Variants in RGS6 observed in about 807,000 individuals in gnomAD.
The protein encoded by RGS6 is regulator of G-protein signaling 6.
In RGS6, 30 loss-of-function variants were observed where a neutral mutation model predicts 78.5. The ratio of observed to expected loss-of-function variants is 0.38; its 90% CI spans 0.29 to 0.52. RGS6 has a LOEUF of 0.52. Among genes scored for constraint, RGS6 ranks in the 20% least tolerant of loss-of-function variants. RGS6 has a pLI of 0.85. For synonymous variants in RGS6, 206 were observed against 206.0 expected (o/e 1.00, Z 0.00); for missense variants, 495 against 609.7 (o/e 0.81, Z 1.98).
chr14:72,018,423 G>A lies in RGS6; in HGVS notation c.84+53548G>A, dbSNP rs1437502967. The stretch of plus-strand genomic sequence containing the variant: ...GTAGGAATTGTCTGCAGCATGGATT[G>A]TGGGAATTTTGCTCTGGCATTTTCC... On this transcript the variant is annotated intron_variant, in intron 2 of 17. Transcript: ENST00000553525. Among the ~76,000 whole-genome samples the A allele has an allele frequency of 2.0e-5, 3 of 152,182 alleles. No individual in the cohort carries two copies. The East Asian group carries it at 5.8e-4, about 29-fold the overall frequency.
chr14:72,096,289 A>G (rs1461066934), intron 2 of RGS6, among the ~76,000 whole-genome samples: 5 of 151,940 alleles, frequency 3.3e-5, no homozygotes, highest in African/African-American at 1.2e-4. Flanking sequence ...TTAAAAAAAA[A>G]AAAAGAAAAG....
intron 2 of RGS6, among the ~76,000 whole-genome samples, chr14:72,338,268 C>T (rs1054572078): frequency 9.9e-5 from 15 of 152,200 alleles, no homozygotes; most frequent in Admixed American, 3.9e-4. Context: ...AACAGACTCA[C>T]GGTTCCACGT....
chr14:72,185,022 C>T (rs900881862), intron 2 of RGS6, among the ~76,000 whole-genome samples: 1 of 152,108 alleles, frequency 6.6e-6, no homozygotes, highest in Non-Finnish European at 1.5e-5. Flanking sequence ...ACAGTGTGCC[C>T]GAAGGCCCAA....
intron 3 of RGS6, among the ~76,000 whole-genome samples, chr14:72,413,884 T>A (rs2093613144): frequency 1.3e-5 from 2 of 151,730 alleles, no homozygotes; most frequent in African/African-American, 2.4e-5. Context: ...TTTAAGAATG[T>A]TGAATATTGG....
At chr14:72,137,434 C>T (rs2096462411) in intron 2 of RGS6, among the ~76,000 whole-genome samples, 1 of 152,212 alleles carries the variant, frequency 6.6e-6, no homozygotes, top group Non-Finnish European at 1.5e-5. Context: ...AGCCTCAGAT[C>T]TCACAGGTAA....
chr14:72,429,157 A>G (rs956004676), intron 3 of RGS6, among the ~76,000 whole-genome samples: 2 of 152,216 alleles, frequency 1.3e-5, no homozygotes, highest in African/African-American at 2.4e-5. Flanking sequence ...AGCCAAGATC[A>G]TGCCACTGCA....
At chr14:72,360,103 A>G (rs1179625582) in intron 3 of RGS6, among the ~76,000 whole-genome samples, 3 of 152,172 alleles carry the variant, frequency 2.0e-5, no homozygotes. Flanking sequence ...GGTGGGGGAG[A>G]TGATGTAGGA....
At chr14:71,983,316 G>C (rs2094545860) in intron 2 of RGS6, among the ~76,000 whole-genome samples, 1 of 152,202 alleles carries the variant, frequency 6.6e-6, no homozygotes, top group African/African-American at 2.4e-5. Context: ...TTACCTGGAG[G>C]AAACCTTACC....
chr14:72,344,444 G>A (rs2077602265), intron 2 of RGS6, among the ~76,000 whole-genome samples: 1 of 152,092 alleles, frequency 6.6e-6, no homozygotes, highest in Admixed American at 6.5e-5. Flanking sequence ...TCAGATTTTT[G>A]TTATGGAATC....
In RGS6 at chr14:72,236,472, C is replaced by T. The variant is rs189361763; in HGVS notation, c.85-115623C>T. Among the ~76,000 whole-genome samples the T allele has an allele frequency of 3.1e-3, 470 of 152,312 alleles. 1 individual carries two copies. The highest frequency in any genetic ancestry group is 0.011 in the African/African-American group (453 of 41,558). ...TCCATTCATTGAGTTTTGACAAATG[C>T]ATACACCTGTGTAATGCCAATCCCA... On this transcript the variant is annotated intron_variant, in intron 2 of 17. Transcript: ENST00000553525.
Position 72,393,640 on chromosome 14 carries a change from T to C in RGS6, c.184+41446T>C, listed in dbSNP as rs79876936. Among the ~76,000 whole-genome samples the C allele has an allele frequency of 4.2e-3, 635 of 152,322 alleles. 4 individuals carry two copies. Among genetic ancestry groups the C allele is most frequent in the African/African-American group, 0.015 (609 of 41,578 alleles). On this transcript the variant is annotated intron_variant, in intron 3 of 17. Transcript: ENST00000553525. ...TATTGAGAAGAGTGAGAAACACACA[T>C]TAAAACTGCATACTCTACTGTGTTC... is the stretch of plus-strand genomic sequence containing the variant.
intron 2 of RGS6, among the ~76,000 whole-genome samples, chr14:71,999,801 G>T (rs1468252098): frequency 9.6e-6 from 1 of 104,126 alleles, no homozygotes; most frequent in African/African-American, 3.0e-5. Context: ...GGCCTCCCCA[G>T]CAGCTGAGCA....
chr14:72,105,060 C>T (rs1567213435), intron 2 of RGS6, among the ~76,000 whole-genome samples: 1 of 152,166 alleles, frequency 6.6e-6, no homozygotes, highest in Non-Finnish European at 1.5e-5. Flanking sequence ...GTTGTTAGAG[C>T]ATTATACTAG....
chr14:72,499,993 G>C (rs543041369), intron 13 of RGS6, among the ~76,000 whole-genome samples: 2 of 152,174 alleles, frequency 1.3e-5, no homozygotes, highest in Non-Finnish European at 2.9e-5. Flanking sequence ...TTATTTGATC[G>C]TTTCATTGGT....
chr14:72,049,824 C>T (rs2093113678), intron 2 of RGS6, among the ~76,000 whole-genome samples: 1 of 152,126 alleles, frequency 6.6e-6, no homozygotes, highest in Non-Finnish European at 1.5e-5. Context: ...ATTTTATCTG[C>T]CATGTATAGT....
In RGS6 at chr14:72,328,838, A is replaced by T. The variant is rs112212349; in HGVS notation, c.85-23257A>T. On this transcript the variant is annotated intron_variant, in intron 2 of 17. Coordinates refer to ENST00000553525, the MANE Select transcript of RGS6 (RefSeq NM_001204424.2). ...CTGAGAAAAATGTGAAATATATACA[A>T]TACTCACTTGCATATACTATTTCTT... Among the ~76,000 whole-genome samples the T allele has an allele frequency of 8.9e-3, 1,360 of 152,298 alleles. 22 individuals carry two copies. Among genetic ancestry groups the T allele is most frequent in the African/African-American group, 0.031 (1,303 of 41,556 alleles).
intron 2 of RGS6, among the ~76,000 whole-genome samples, chr14:71,966,296 A>G (rs1399225539): frequency 6.6e-6 from 1 of 152,228 alleles, no homozygotes. Flanking sequence ...TTGTAAAAAT[A>G]GAGTTCTCAA....
chr14:71,902,405 T>C, the RGS6 span, among the ~76,000 whole-genome samples: 2 of 152,158 alleles, frequency 1.3e-5, no homozygotes, highest in Non-Finnish European at 2.9e-5. Context: ...GAGCCTCGGG[T>C]ACCATGGGTA....
rs78721275 is a variant in RGS6 at position 72,276,741 on chromosome 14, A to G, written c.85-75354A>G. ...CATGTAAGATATTCCTTGCTCTTCCACCATGATTGTCAGGCCTCCCCAGCC... is the reference window on the plus strand; with the variant it reads ...CATGTAAGATATTCCTTGCTCTTCCGCCATGATTGTCAGGCCTCCCCAGCC... On this transcript the variant is annotated intron_variant, in intron 2 of 17. Coordinates refer to ENST00000553525, the MANE Select transcript of RGS6 (RefSeq NM_001204424.2). Among the ~76,000 whole-genome samples the G allele has an allele frequency of 7.7e-4, 117 of 152,254 alleles. 1 individual carries two copies. The highest frequency in any genetic ancestry group is 2.8e-3 in the African/African-American group (115 of 41,542).
Sources: gnomAD v4.1 joint callset for allele counts (sites outside exome capture counted in the v4.1 genomes callset) on GRCh38, gnomAD v4.1.1 for gene constraint, MANE v1.5 for transcripts, NCBI Gene and HGNC (gene_info 2026-07-23, HGNC 2026-07-21) for gene names.